Variants in SNTA1 observed in about 807,000 individuals in gnomAD.
SNTA1 encodes alpha-1-syntrophin.
In SNTA1, 31 loss-of-function variants were observed where a neutral mutation model predicts 47.1. The ratio of observed to expected loss-of-function variants is 0.66; its 90% CI spans 0.49 to 0.89. SNTA1 has a LOEUF of 0.89. SNTA1 is among the 40% of genes least tolerant of loss of function. The pLI is 0.00. For synonymous variants in SNTA1, 300 were observed against 313.6 expected (o/e 0.96, Z 0.46); for missense variants, 575 against 693.0 (o/e 0.83, Z 1.91).
At position 33,408,243 on chromosome 20, in the gene SNTA1, T is replaced by C. The variant is rs1989643389; in HGVS notation, c.*264A>G. On this transcript the variant is annotated 3_prime_UTR_variant, in exon 8 of 8. Coordinates refer to ENST00000217381, the MANE Select transcript of SNTA1 (RefSeq NM_003098.3). ...GGTCCCAGACTCGGAATGGCTTCTG[T>C]GTACACAAAATATCTCTCTGCAAAA... The C allele has an allele frequency of 1.9e-6, 1 of 515,728 alleles. No homozygotes were observed. The highest frequency in any genetic ancestry group is 3.5e-6 in the Non-Finnish European group (1 of 281,980). The allele number at this position is 515,728 out of a possible 1,614,324, so 31.9% of individuals were successfully genotyped here. A position where few individuals can be genotyped will look rare whatever the true frequency, so the allele number is the denominator to read the frequency against.
In SNTA1 at chr20:33,443,295, G is replaced by A. The variant is rs769325689; in HGVS notation, c.310+16C>T. ...CCAGACACCACGACCCCGCGCCCTC[G>A]GTGTCCCGCGCCCACCTTTGATGCT... is the stretch of plus-strand genomic sequence containing the variant. On this transcript the variant is annotated intron_variant, in intron 1 of 7. Transcript: ENST00000217381. 6.7e-7 allele frequency: 1 copy of A among 1,503,074 alleles called. No homozygotes were observed. The highest frequency in any genetic ancestry group is 8.8e-7 in the Non-Finnish European group (1 of 1,132,284). The allele number at this position is 1,503,074 out of a possible 1,614,324, so 93.1% of individuals were successfully genotyped here.
chr20:33,415,316 T>C (rs1989848277), intron 3 of SNTA1, among the ~76,000 whole-genome samples: 1 of 152,236 alleles, frequency 6.6e-6, no homozygotes, highest in South Asian at 2.1e-4. Flanking sequence ...TCTAAGGTTC[T>C]ATGAGTCTCT....
At chr20:33,416,571 G>A (rs570191335) in intron 3 of SNTA1, among the ~76,000 whole-genome samples, 5 of 152,256 alleles carry the variant, frequency 3.3e-5, no homozygotes, top group Non-Finnish European at 5.9e-5. Flanking sequence ...TTGGGAGGCC[G>A]AGGCAGGCAG....
chr20:33,424,098 T>C (rs1365614808), intron 2 of SNTA1, among the ~76,000 whole-genome samples: 2 of 151,934 alleles, frequency 1.3e-5, no homozygotes, highest in Admixed American at 1.3e-4. Flanking sequence ...GTGGATCACC[T>C]GAGGTCGGGA....
rs943159290 is a variant in SNTA1, at chr20:33,408,413, T to C, written c.*94A>G. The C allele has an allele frequency of 2.2e-6, 2 of 904,088 alleles. No individual in the cohort carries two copies. The highest frequency in any genetic ancestry group is 3.8e-5 in the Admixed American group (2 of 52,292). 56.0% of individuals were successfully genotyped at this position (904,088 alleles called of 1,614,324 possible). On this transcript the variant is annotated 3_prime_UTR_variant, in exon 8 of 8. Transcript: ENST00000217381. The stretch of plus-strand genomic sequence containing the variant: ...AGGCCCTTGTTCCTCTCCTCTCCCT[T>C]CCCTCAGCCCAGGGGTGAGCAGGCA...
At chr20:33,412,535 C>A in intron 4 of SNTA1, 40 bp downstream of exon 4, 1 of 1,606,216 alleles carries the variant, frequency 6.2e-7, no homozygotes, top group Non-Finnish European at 8.5e-7. Flanking sequence ...TCCAAAGGAG[C>A]GGAAGAGAGA....
chr20:33,439,055 T>C (rs1990515888), intron 1 of SNTA1, 29 bp from the exon 2 acceptor site: 1 of 1,596,268 alleles, frequency 6.3e-7, no homozygotes, highest in Admixed American at 1.7e-5. Context: ...AGGACAAGAC[T>C]TAGGCAGATA....
chr20:33,429,681 G>T (rs1990251092), intron 2 of SNTA1, among the ~76,000 whole-genome samples: 1 of 152,112 alleles, frequency 6.6e-6, no homozygotes, highest in South Asian at 2.1e-4. Flanking sequence ...GCCTTGCCAT[G>T]TTGCCTAGGC....
chr20:33,430,641 A>G lies in SNTA1; in HGVS notation c.496+8200T>C, dbSNP rs570844510. On this transcript the variant is annotated intron_variant, in intron 2 of 7. Coordinates refer to ENST00000217381, the MANE Select transcript of SNTA1 (RefSeq NM_003098.3). ...AGAAGTGACATAACCTGTAGTGCAG[A>G]TAAGTATTTAAGAAAATGAGTTTTC... 6.6e-5 allele frequency among the ~76,000 whole-genome samples: 10 copies of G among 151,986 alleles called. No homozygotes were observed. The East Asian group carries it at 1.4e-3, about 21-fold the overall frequency.
chr20:33,420,998 AAAAG>A (rs1291875252), intron 2 of SNTA1, among the ~76,000 whole-genome samples: 1 of 151,622 alleles, frequency 6.6e-6, no homozygotes, highest in African/African-American at 2.4e-5. Flanking sequence ...AAAAAAAAGA[AAAAG>A]AAAGTAAAAT....
intron 2 of SNTA1, among the ~76,000 whole-genome samples, chr20:33,436,636 G>A (rs530661446): frequency 8.2e-4 from 125 of 152,056 alleles, no homozygotes; most frequent in Non-Finnish European, 1.4e-3. Flanking sequence ...AGGAGTTGGA[G>A]ACCAGCCCAG....
At chr20:33,422,222 C>T (rs923907510) in intron 2 of SNTA1, among the ~76,000 whole-genome samples, 3 of 151,720 alleles carry the variant, frequency 2.0e-5, no homozygotes, top group Admixed American at 6.6e-5. Context: ...GGGTGGATCA[C>T]GAGGTCAGGA....
intron 2 of SNTA1, among the ~76,000 whole-genome samples, chr20:33,430,667 G>A (rs769662145): frequency 6.6e-5 from 10 of 151,820 alleles, no homozygotes; most frequent in East Asian, 3.9e-4. Context: ...ATGAGTTTTC[G>A]CCGGGCGCAG....
chr20:33,416,788 ATAAT>A (rs1320921384), intron 3 of SNTA1, among the ~76,000 whole-genome samples: 1 of 151,842 alleles, frequency 6.6e-6, no homozygotes, highest in African/African-American at 2.4e-5. Flanking sequence ...AAAAATACAA[ATAAT>A]TAGCCAGGCA....
At chr20:33,429,472 A>G (rs916558735) in intron 2 of SNTA1, among the ~76,000 whole-genome samples, 2 of 151,630 alleles carry the variant, frequency 1.3e-5, no homozygotes, top group African/African-American at 2.4e-5. Flanking sequence ...TCTACTAAAA[A>G]TACAAAAATT....
At chr20:33,439,550 C>T (rs926777973) in intron 1 of SNTA1, among the ~76,000 whole-genome samples, 9 of 152,170 alleles carry the variant, frequency 5.9e-5, no homozygotes, top group Non-Finnish European at 1.3e-4. Context: ...AGTTTGATCC[C>T]TGGATCTTTT....
intron 3 of SNTA1, 33 bp downstream of exon 3, chr20:33,417,686 G>A: frequency 6.6e-7 from 1 of 1,515,650 alleles, no homozygotes; most frequent in Non-Finnish European, 9.2e-7. Context: ...CAGGGCATCT[G>A]TCCATCTGAG....
intron 2 of SNTA1, 34 bp downstream of exon 2, chr20:33,438,807 C>T (rs1277508540): frequency 6.3e-7 from 1 of 1,587,488 alleles, no homozygotes; most frequent in Non-Finnish European, 8.6e-7. Flanking sequence ...CACCTCCACC[C>T]AGCCCCTCTG....
At chr20:33,414,575 C>A (rs1322334969) in intron 3 of SNTA1, among the ~76,000 whole-genome samples, 1 of 152,180 alleles carries the variant, frequency 6.6e-6, no homozygotes, top group Non-Finnish European at 1.5e-5. Context: ...GCCTGGGTGA[C>A]AGAGCGAGAT....
Sources: gnomAD v4.1 joint callset for allele counts (sites outside exome capture counted in the v4.1 genomes callset) on GRCh38, gnomAD v4.1.1 for gene constraint, MANE v1.5 for transcripts, NCBI Gene and HGNC (gene_info 2026-07-23, HGNC 2026-07-21) for gene names.